TMEM95: variants seen among roughly 807,000 people sequenced by gnomAD.
TMEM95 encodes the protein transmembrane protein 95, also known as sperm-egg fusion protein TMEM95.
Under a neutral mutation model 27.7 loss-of-function variants are expected in TMEM95, and 21 were observed. The ratio of observed to expected loss-of-function variants is 0.76; its 90% CI spans 0.54 to 1.09. The LOEUF (loss-of-function observed/expected upper bound fraction) is 1.09. Among genes scored for constraint, TMEM95 ranks in the 50% least tolerant of loss-of-function variants. The pLI, the probability that TMEM95 is intolerant of heterozygous loss-of-function variation, is 0.00. For synonymous variants in TMEM95, 77 were observed against 85.7 expected, an observed-to-expected ratio of 0.90 and a Z score of 0.56; for missense variants, 203 against 217.9, an observed-to-expected ratio of 0.93 and a Z score of 0.43.
At position 7,355,609 on chromosome 17, in the gene TMEM95, A is replaced by G; in HGVS notation, c.193A>G (p.Thr65Ala). ...AGATGAGGTGTCCATGAACAAAGTC[A>G]CAGAGAAGACTCACAGAGTCCTGAG... is the stretch of plus-strand genomic sequence containing the variant. The part of the protein sequence containing the change: ...ALDEVSMNKV[T>A]EKTHRVLRVM... The change falls in exon 2 of 7, where the codon ACA becomes GCA. Residue 65 changes from threonine (T) to alanine (A), a missense_variant. Transcript: ENST00000576060. This position sits in a 1 kb window ranked among gnomAD's most constrained non-coding sequence, Gnocchi z 4.9. 6.4e-7 allele frequency: 1 copy of G among 1,557,464 alleles called. No homozygotes were observed. Among genetic ancestry groups the G allele is most frequent in the Non-Finnish European group, 8.7e-7 (1 of 1,149,760 alleles).
chr17:7,355,800 G>A lies in TMEM95; in HGVS notation c.227-38G>A, dbSNP rs756456606. ...GAAGAGAGGGGGAACTGGCCCCGTCGAGGCCCAGGGAAACGGAGCTGCTGT... is the reference window on the plus strand; with the variant it reads ...GAAGAGAGGGGGAACTGGCCCCGTCAAGGCCCAGGGAAACGGAGCTGCTGT... On this transcript the variant is annotated intron_variant, in intron 2 of 6. Coordinates refer to ENST00000576060, the MANE Select transcript of TMEM95 (RefSeq NM_001320436.2). This position sits in a 1 kb window ranked among gnomAD's most constrained non-coding sequence, Gnocchi z 4.9. 2.5e-6 allele frequency: 4 copies of A among 1,604,424 alleles called. No individual in the cohort carries two copies. Among genetic ancestry groups the A allele is most frequent in the East Asian group, 2.2e-5 (1 of 44,806 alleles).
rs753240068 is a variant in TMEM95 at position 7,356,287 on chromosome 17, C to T, written c.409+11C>T. 3.8e-6 allele frequency: 6 copies of T among 1,585,756 alleles called. No individual in the cohort carries two copies. The highest frequency in any genetic ancestry group is 3.4e-5 in the South Asian group (3 of 88,006). On this transcript the variant is annotated intron_variant, in intron 5 of 6. Coordinates refer to ENST00000576060, the MANE Select transcript of TMEM95 (RefSeq NM_001320436.2). ...AGCGCTGCTTCCCAGGTCCTCACGC[C>T]CATCTTGGCCCCGCCCCACCTTGCC... is the stretch of plus-strand genomic sequence containing the variant.
Position 7,356,865 on chromosome 17 carries a change from C to G in TMEM95, c.*233C>G. On this transcript the variant is annotated 3_prime_UTR_variant, in exon 7 of 7. Coordinates refer to ENST00000576060, the MANE Select transcript of TMEM95 (RefSeq NM_001320436.2). The stretch of plus-strand genomic sequence containing the variant: ...AGATGGCCTCCCGGGAACCCAGGCA[C>G]CCACAGCTGGAAAGTTCCTCCCCTC... 1.8e-6 allele frequency: 1 copy of G among 542,512 alleles called. No homozygotes were observed. Among genetic ancestry groups the G allele is most frequent in the Non-Finnish European group, 3.3e-6 (1 of 304,532 alleles). 33.6% of individuals were successfully genotyped at this position (542,512 alleles called of 1,614,324 possible).
rs1471946037 is a variant in TMEM95 at position 7,355,636 on chromosome 17, G to T, written c.220G>T (p.Val74Phe). ...VTEKTHRVLR[V>F]MEIKEAVSSL... ...AGAGAAGACTCACAGAGTCCTGAGG[G>T]TCATGGGTGAGGTCAAGGGGAAAGA... The change falls in exon 2 of 7, where the codon GTC becomes TTC. Residue 74 changes from valine (V) to phenylalanine (F), a missense_variant. Coordinates refer to ENST00000576060, the MANE Select transcript of TMEM95 (RefSeq NM_001320436.2). The surrounding 1 kb of genome is among the most constrained non-coding windows in gnomAD (Gnocchi z 4.9). The T allele has an allele frequency of 1.3e-6, 2 of 1,559,580 alleles. No homozygotes were observed. The highest frequency in any genetic ancestry group is 1.2e-5 in the South Asian group (1 of 85,504).
Position 7,356,153 on chromosome 17 carries a change from C to T in TMEM95, c.329-43C>T, listed in dbSNP as rs113407034. ...AGCTGGGTACCAGGCAGGGTGGAGG[C>T]CCGGCCTCCCCTCCCCAGCGTTGCC... On this transcript the variant is annotated intron_variant, in intron 4 of 6. Coordinates refer to ENST00000576060, the MANE Select transcript of TMEM95 (RefSeq NM_001320436.2). 4.1e-4 allele frequency: 654 copies of T among 1,591,174 alleles called. 2 individuals carry two copies. The African/African-American group carries it at 7.6e-3, about 19-fold the overall frequency.
In TMEM95 at chr17:7,356,821, C is replaced by T. The variant is rs867433385; in HGVS notation, c.*189C>T. On this transcript the variant is annotated 3_prime_UTR_variant, in exon 7 of 7. Transcript: ENST00000576060. ...CAAGAAAATCCCCAAAAACCCAGAT[C>T]CCCCACAATCCCAGTGTCAGATGGC... The T allele has an allele frequency of 1.1e-5, 7 of 644,512 alleles. No homozygotes were observed. The highest frequency in any genetic ancestry group is 1.8e-5 in the Non-Finnish European group (7 of 385,260). The allele number at this position is 644,512 out of a possible 1,614,324, so 39.9% of individuals were successfully genotyped here. A position where few individuals can be genotyped will look rare whatever the true frequency, so the allele number is the denominator to read the frequency against.
In TMEM95 at chr17:7,355,786, G is replaced by A. The variant is rs370759936; in HGVS notation, c.227-52G>A. The A allele has an allele frequency of 5.0e-5, 80 of 1,589,826 alleles. No individual in the cohort carries two copies. The African/African-American group carries it at 1.0e-3, about 21-fold the overall frequency. ...GGGAGGGGCTGCGTGAAGAGAGGGG[G>A]AACTGGCCCCGTCGAGGCCCAGGGA... On this transcript the variant is annotated intron_variant, in intron 2 of 6. Transcript: ENST00000576060. This position sits in a 1 kb window ranked among gnomAD's most constrained non-coding sequence, Gnocchi z 4.9.
rs2073526318 is a variant in TMEM95, at chr17:7,357,213, T to G, written c.*581T>G. The G allele has an allele frequency of 6.5e-6, 1 of 153,078 alleles. No individual in the cohort carries two copies. The highest frequency in any genetic ancestry group is 2.1e-4 in the South Asian group (1 of 4,854). The allele number at this position is 153,078 out of a possible 1,614,324, so 9.5% of individuals were successfully genotyped here. A position where few individuals can be genotyped will look rare whatever the true frequency, so the allele number is the denominator to read the frequency against. ...GCCAGGCCTAAGTAAAACTTGCTGT[T>G]CATGGCCTCTGCCCCTGCCTAGCCT... On this transcript the variant is annotated 3_prime_UTR_variant, in exon 7 of 7. Transcript: ENST00000576060.
In TMEM95 at chr17:7,355,656, G is replaced by A; in HGVS notation, c.226+14G>A. ...TGAGGGTCATGGGTGAGGTCAAGGG[G>A]AAAGAGTGACCTAGGGGCTTGGGAG... On this transcript the variant is annotated intron_variant, in intron 2 of 6. Coordinates refer to ENST00000576060, the MANE Select transcript of TMEM95 (RefSeq NM_001320436.2). The surrounding 1 kb of genome is among the most constrained non-coding windows in gnomAD (Gnocchi z 4.9). 6.7e-7 allele frequency: 1 copy of A among 1,487,542 alleles called. No individual in the cohort carries two copies. Among genetic ancestry groups the A allele is most frequent in the Non-Finnish European group, 9.1e-7 (1 of 1,104,282 alleles). The allele number at this position is 1,487,542 out of a possible 1,614,324, so 92.1% of individuals were successfully genotyped here. A position where few individuals can be genotyped will look rare whatever the true frequency, so the allele number is the denominator to read the frequency against.
In TMEM95 at chr17:7,355,665, A is replaced by G; in HGVS notation, c.226+23A>G. On this transcript the variant is annotated intron_variant, in intron 2 of 6. Coordinates refer to ENST00000576060, the MANE Select transcript of TMEM95 (RefSeq NM_001320436.2). This position sits in a 1 kb window ranked among gnomAD's most constrained non-coding sequence, Gnocchi z 4.9. ...TGGGTGAGGTCAAGGGGAAAGAGTG[A>G]CCTAGGGGCTTGGGAGGATACCAAG... The G allele has an allele frequency of 6.6e-7, 1 of 1,508,826 alleles. No individual in the cohort carries two copies. The highest frequency in any genetic ancestry group is 8.9e-7 in the Non-Finnish European group (1 of 1,119,956). 93.5% of individuals were successfully genotyped at this position (1,508,826 alleles called of 1,614,324 possible). A position where few individuals can be genotyped will look rare whatever the true frequency, so the allele number is the denominator to read the frequency against.
At position 7,356,641 on chromosome 17, in the gene TMEM95, A is replaced by G. The variant is rs1417377924; in HGVS notation, c.*9A>G. On this transcript the variant is annotated 3_prime_UTR_variant, in exon 7 of 7. Transcript: ENST00000576060. The stretch of plus-strand genomic sequence containing the variant: ...CAAAAAGTGGCTTGTGAAGACGCTG[A>G]AAACCTCCCAGCCTCCAGCTCTAAG... 4.3e-6 allele frequency: 7 copies of G among 1,612,234 alleles called. No individual in the cohort carries two copies. The East Asian group carries it at 1.1e-4, about 26-fold the overall frequency.
rs2073517553 is a variant in TMEM95 at position 7,356,724 on chromosome 17, C to A, written c.*92C>A. ...AGGGGAACCAGTCAGCCCCTTAGTCCCAGCTCCAAAGACAGTCTCCAGACC... is the reference window on the plus strand; with the variant it reads ...AGGGGAACCAGTCAGCCCCTTAGTCACAGCTCCAAAGACAGTCTCCAGACC... On this transcript the variant is annotated 3_prime_UTR_variant, in exon 7 of 7. Transcript: ENST00000576060. 3.5e-6 allele frequency: 5 copies of A among 1,411,002 alleles called. No homozygotes were observed. Among genetic ancestry groups the A allele is most frequent in the Non-Finnish European group, 4.9e-6 (5 of 1,013,152 alleles). 87.4% of individuals were successfully genotyped at this position (1,411,002 alleles called of 1,614,324 possible). A position where few individuals can be genotyped will look rare whatever the true frequency, so the allele number is the denominator to read the frequency against.
intron 6 of TMEM95, 37 bp downstream of exon 6, chr17:7,356,516 C>A: frequency 6.2e-7 from 1 of 1,612,342 alleles, no homozygotes; most frequent in Non-Finnish European, 8.5e-7. Context: ...CCTACCCCGC[C>A]CAGTGCCTTC....
chr17:7,356,422 T>C lies in TMEM95; in HGVS notation c.440T>C (p.Leu147Pro), dbSNP rs766169662. 6.2e-7 allele frequency: 1 copy of C among 1,614,174 alleles called. No individual in the cohort carries two copies. Reference protein sequence around the residue: ...GSQDLWEAKILLLSIFGAFLL... With the variant: ...GSQDLWEAKIPLLSIFGAFLL... ...CAGGATCTTTGGGAAGCCAAGATTC[T>C]GCTCCTCTCCATCTTCGGAGCTTTC... The change falls in exon 6 of 7, where the codon CTG becomes CCG. Residue 147 changes from leucine (L) to proline (P), a missense_variant. Leu to Pro is a moderately conservative substitution (Grantham distance 98). Coordinates refer to ENST00000576060, the MANE Select transcript of TMEM95 (RefSeq NM_001320436.2).
chr17:7,355,858 T>A lies in TMEM95; in HGVS notation c.247T>A (p.Ser83Thr). Residue 83 changes from serine to threonine, a missense_variant, in exon 3 of 7, where the codon TCA becomes ACA. Physicochemically the swap from Ser to Thr is moderately conservative, Grantham distance 58. Transcript: ENST00000576060. The surrounding 1 kb of genome is among the most constrained non-coding windows in gnomAD (Gnocchi z 4.9). Reference sequence around the variant, plus strand: ...CCCAGAAATCAAAGAGGCTGTCTCCTCACTCCCTTCATATTGGAGTTGGCT... The same window carrying A: ...CCCAGAAATCAAAGAGGCTGTCTCCACACTCCCTTCATATTGGAGTTGGCT... ...RVMEIKEAVS[S>T]LPSYWSWLRK... is the part of the protein sequence containing the mutation. 1 of 1,613,938 alleles carries A rather than the reference T, an allele frequency of 6.2e-7. No homozygotes were observed. Among genetic ancestry groups the A allele is most frequent in the Non-Finnish European group, 8.5e-7 (1 of 1,179,974 alleles).
At chr17:7,356,079 AC>A (rs2073494264) in intron 4 of TMEM95, 30 bp downstream of exon 4, 1 of 1,613,824 alleles carries the variant, frequency 6.2e-7, no homozygotes, top group African/African-American at 1.3e-5. Flanking sequence ...GGTAGCAAGG[AC>A]CTGGGGCCTG....
rs1051007227 is a variant in TMEM95 at position 7,355,759 on chromosome 17, C to A, written c.227-79C>A. On this transcript the variant is annotated intron_variant, in intron 2 of 6. Coordinates refer to ENST00000576060, the MANE Select transcript of TMEM95 (RefSeq NM_001320436.2). This position sits in a 1 kb window ranked among gnomAD's most constrained non-coding sequence, Gnocchi z 4.9. Reference sequence around the variant, plus strand: ...GAGGGGTAGAGACAGGAGGGCTGATCAGGGAGGGGCTGCGTGAAGAGAGGG... The same window carrying A: ...GAGGGGTAGAGACAGGAGGGCTGATAAGGGAGGGGCTGCGTGAAGAGAGGG... 4.0e-6 allele frequency: 6 copies of A among 1,501,308 alleles called. No homozygotes were observed. The highest frequency in any genetic ancestry group is 1.1e-5 in the South Asian group (1 of 88,554). The allele number at this position is 1,501,308 out of a possible 1,614,324, so 93.0% of individuals were successfully genotyped here.
Position 7,355,325 on chromosome 17 carries a change from A to C in TMEM95, c.121A>C (p.Arg41=), listed in dbSNP as rs1266110949. 6.2e-6 allele frequency: 10 copies of C among 1,614,002 alleles called. No individual in the cohort carries two copies. The East Asian group carries it at 2.0e-4, about 32-fold the overall frequency. ...LARLCSQMEA[R]QKECGASPDF... ...TCGGCTCTGCAGCCAGATGGAGGCCAGGCAGAAGGAATGTGGGGCCTCCCC... is the reference window on the plus strand; with the variant it reads ...TCGGCTCTGCAGCCAGATGGAGGCCCGGCAGAAGGAATGTGGGGCCTCCCC... The change falls in exon 1 of 7, where the codon AGG becomes CGG. Residue 41 remains arginine, a synonymous_variant. Transcript: ENST00000576060. This position sits in a 1 kb window ranked among gnomAD's most constrained non-coding sequence, Gnocchi z 4.9.
chr17:7,356,006 C>T, intron 3 of TMEM95, 23 bp from the exon 4 acceptor site: 3 of 1,613,866 alleles, frequency 1.9e-6, no homozygotes, highest in Non-Finnish European at 1.7e-6. Flanking sequence ...ACACCCCCAC[C>T]CCTTCCTTGT....
Sources: gnomAD v4.1 joint callset for allele counts on GRCh38, gnomAD v4.1.1 for gene constraint, Gnocchi (gnomAD v3.1) non-coding constraint, MANE v1.5 for transcripts, NCBI Gene and HGNC (gene_info 2026-07-23, HGNC 2026-07-21) for gene names.